PLEKHA7: variants seen among roughly 807,000 people sequenced by gnomAD.
PLEKHA7 encodes the protein pleckstrin homology domain-containing family A member 7.
Under a neutral mutation model 170.0 loss-of-function variants are expected in PLEKHA7, and 104 were observed. The ratio of observed to expected loss-of-function variants is 0.61; its 90% CI spans 0.52 to 0.72. PLEKHA7 has a LOEUF of 0.72. Among genes scored for constraint, PLEKHA7 ranks in the 30% least tolerant of loss-of-function variants. The pLI, the probability that PLEKHA7 is intolerant of heterozygous loss-of-function variation, is 0.00. For synonymous variants in PLEKHA7, 648 were observed against 660.8 expected (o/e 0.98, Z 0.30); for missense variants, 1,615 against 1,671.7 (o/e 0.97, Z 0.59).
intron 3 of PLEKHA7, among the ~76,000 whole-genome samples, chr11:16,929,605 T>A (rs1203713327): frequency 2.6e-5 from 4 of 152,218 alleles, no homozygotes; most frequent in African/African-American, 9.6e-5. Context: ...CGCTTCTTGG[T>A]AAATAGCCTA....
At chr11:16,785,034 C>T (rs1442507041) in intron 24 of PLEKHA7, among the ~76,000 whole-genome samples, 1 of 152,216 alleles carries the variant, frequency 6.6e-6, no homozygotes, top group Admixed American at 6.5e-5. Flanking sequence ...AGGGGACCAG[C>T]CTTGTTAACT....
chr11:16,797,906 T>G (rs773436850), intron 17 of PLEKHA7, among the ~76,000 whole-genome samples: 1 of 151,818 alleles, frequency 6.6e-6, no homozygotes, highest in Non-Finnish European at 1.5e-5. Context: ...GAGCAGAGAA[T>G]AAAAAAGGCT....
chr11:16,871,588 G>C (rs898542302), intron 3 of PLEKHA7, among the ~76,000 whole-genome samples: 5 of 152,144 alleles, frequency 3.3e-5, no homozygotes, highest in African/African-American at 1.2e-4. Flanking sequence ...CATGAATCTA[G>C]CAAAAGAATT....
At chr11:16,810,909 G>A (rs78293592) in intron 13 of PLEKHA7, among the ~76,000 whole-genome samples, 1,706 of 152,184 alleles carry the variant, frequency 0.011, 29 homozygotes, top group African/African-American at 0.039. Flanking sequence ...TTAGCCTTTC[G>A]GAGTCACGGT....
intron 9 of PLEKHA7, among the ~76,000 whole-genome samples, chr11:16,827,829 TAAA>T (rs11358170): frequency 3.0e-5 from 4 of 135,494 alleles, no homozygotes; most frequent in Non-Finnish European, 4.7e-5. Context: ...ACTCCATGGT[TAAA>T]AAAAAAAAAA....
intron 3 of PLEKHA7, among the ~76,000 whole-genome samples, chr11:17,006,277 G>A (rs182798762): frequency 1.4e-3 from 208 of 147,438 alleles, no homozygotes; most frequent in African/African-American, 3.4e-3. Context: ...GCAGTGAGCC[G>A]AGATCACACC....
intron 3 of PLEKHA7, among the ~76,000 whole-genome samples, chr11:16,908,069 G>C (rs1188334954): frequency 1.5e-4 from 22 of 151,666 alleles, no homozygotes; most frequent in Non-Finnish European, 1.3e-4. Flanking sequence ...AAGGCAGCAT[G>C]CTCGTTAAGA....
intron 3 of PLEKHA7, among the ~76,000 whole-genome samples, chr11:16,952,895 A>C (rs1861492533): frequency 6.6e-6 from 1 of 152,246 alleles, no homozygotes; most frequent in Admixed American, 6.5e-5. Context: ...TGTATCCAAC[A>C]AAGCTTTTTC....
intron 3 of PLEKHA7, among the ~76,000 whole-genome samples, chr11:16,887,446 C>G (rs533101023): frequency 1.3e-5 from 2 of 152,064 alleles, no homozygotes; most frequent in African/African-American, 2.4e-5. Context: ...GATGCCGAGT[C>G]GAAGCTGGAC....
chr11:16,926,048 G>C (rs975779297), intron 3 of PLEKHA7, among the ~76,000 whole-genome samples: 6 of 152,222 alleles, frequency 3.9e-5, no homozygotes, highest in Non-Finnish European at 8.8e-5. Flanking sequence ...GGCTGCAGGA[G>C]ACCCGGGTTG....
At chr11:16,823,873 G>C (rs979089918) in intron 10 of PLEKHA7, among the ~76,000 whole-genome samples, 2 of 152,178 alleles carry the variant, frequency 1.3e-5, no homozygotes, top group African/African-American at 4.8e-5. Context: ...ATCAACAGAT[G>C]AACGGATAAA....
At chr11:16,805,074 G>A (rs147590390) in intron 13 of PLEKHA7, among the ~76,000 whole-genome samples, 10 of 152,334 alleles carry the variant, frequency 6.6e-5, no homozygotes, top group Non-Finnish European at 8.8e-5. Flanking sequence ...CAAGAACAAG[G>A]AGGTTGTCTA....
chr11:16,859,649 G>A (rs1016996062), intron 4 of PLEKHA7, among the ~76,000 whole-genome samples: 1 of 152,238 alleles, frequency 6.6e-6, no homozygotes, highest in Non-Finnish European at 1.5e-5. Context: ...CCCATTAAGA[G>A]CCTGGTGGGG....
At chr11:16,794,005 G>A in intron 19 of PLEKHA7, among the ~76,000 whole-genome samples, 1 of 152,180 alleles carries the variant, frequency 6.6e-6, no homozygotes, top group Non-Finnish European at 1.5e-5. Context: ...TACTCTGCGA[G>A]GTTATTTTAA....
chr11:16,822,502 G>A (rs217753), intron 10 of PLEKHA7, among the ~76,000 whole-genome samples: 16,153 of 78,404 alleles, frequency 0.21, 1,664 homozygotes, highest in African/African-American at 0.45. Context: ...TTTGGTAGGG[G>A]AAAAAAAAAA....
intron 3 of PLEKHA7, among the ~76,000 whole-genome samples, chr11:16,949,695 T>G (rs1861280800): frequency 1.3e-5 from 2 of 152,158 alleles, no homozygotes; most frequent in South Asian, 4.1e-4. Context: ...AATCAAGAAT[T>G]GGATCTTACC....
chr11:16,923,460 T>A (rs1590627888), intron 3 of PLEKHA7, among the ~76,000 whole-genome samples: 1 of 152,108 alleles, frequency 6.6e-6, no homozygotes, highest in East Asian at 1.9e-4. Flanking sequence ...AAACCAGGGT[T>A]TCAGAGTCAA....
At chr11:16,794,798 G>A (rs1848105750) in intron 18 of PLEKHA7, 84 bp from the exon 19 acceptor site, 3 of 1,533,166 alleles carry the variant, frequency 2.0e-6, no homozygotes, top group South Asian at 1.1e-5. Flanking sequence ...TTAGCACCTC[G>A]AAGACTCAAC....
At chr11:16,897,615 G>C (rs1309949064) in intron 3 of PLEKHA7, among the ~76,000 whole-genome samples, 3 of 152,144 alleles carry the variant, frequency 2.0e-5, no homozygotes, top group Non-Finnish European at 2.9e-5. Context: ...GGCAGTGAGG[G>C]GGAGGAGGCC....
Sources: allele counts gnomAD v4.1 joint callset (sites outside exome capture counted in the v4.1 genomes callset), GRCh38; gene constraint gnomAD v4.1.1; transcripts MANE v1.5; gene names NCBI Gene and HGNC (gene_info 2026-07-23, HGNC 2026-07-21).